Variants in AEBP2 observed in about 807,000 individuals in gnomAD.
AEBP2 encodes the protein AE binding protein 2.
Under a neutral mutation model 50.8 loss-of-function variants are expected in AEBP2, and 10 were observed. The ratio of observed to expected loss-of-function variants is 0.20; its 90% confidence interval spans 0.12 to 0.33. The LOEUF is 0.33. Ranked by LOEUF, AEBP2 falls within the 10% of genes least tolerant of loss-of-function variation. The pLI, the probability that AEBP2 is intolerant of heterozygous loss-of-function variation, is 1.00. For synonymous variants in AEBP2, 296 were observed against 261.3 expected (o/e 1.13, Z -1.28); for missense variants, 570 against 688.0 (o/e 0.83, Z 1.92).
At position 19,518,164 on chromosome 12, in the gene AEBP2, T is replaced by C. The variant is rs1949346761; in HGVS notation, c.*47T>C. On this transcript the variant is annotated 3_prime_UTR_variant, in exon 8 of 8. Coordinates refer to ENST00000266508, the MANE Select transcript of AEBP2 (RefSeq NM_153207.5). ...AGCAAACAAGCGGGGACACCTGCAG[T>C]CTTAGTCACTGACAATGGGTTTAGG... The C allele has an allele frequency of 1.9e-6, 3 of 1,547,432 alleles. No individual in the cohort carries two copies. The highest frequency in any genetic ancestry group is 2.6e-6 in the Non-Finnish European group (3 of 1,148,934).
At chr12:19,443,973 T>C (rs1948011942) in intron 1 of AEBP2, among the ~76,000 whole-genome samples, 1 of 152,062 alleles carries the variant, frequency 6.6e-6, no homozygotes. Flanking sequence ...TTACTTTGGT[T>C]ATAAAGATAG....
At chr12:19,510,561 A>G (rs1400368576) in intron 5 of AEBP2, among the ~76,000 whole-genome samples, 2 of 152,172 alleles carry the variant, frequency 1.3e-5, no homozygotes, top group African/African-American at 4.8e-5. Flanking sequence ...CAAAAAATGA[A>G]GCGTACGTAA....
chr12:19,514,585 C>T, intron 6 of AEBP2, 86 bp from the exon 7 acceptor site: 1 of 1,026,720 alleles, frequency 9.7e-7, no homozygotes, highest in African/African-American at 1.6e-5. Context: ...ATCAAAGTAG[C>T]AGAAAATGCC....
chr12:19,455,370 T>C (rs1320953774), intron 1 of AEBP2, among the ~76,000 whole-genome samples: 2 of 152,186 alleles, frequency 1.3e-5, no homozygotes, highest in Non-Finnish European at 2.9e-5. Context: ...AGTGGTAGTT[T>C]CTTAAAGATT....
At chr12:19,517,177 C>A (rs1051889794) in intron 7 of AEBP2, among the ~76,000 whole-genome samples, 1 of 152,180 alleles carries the variant, frequency 6.6e-6, no homozygotes, top group Non-Finnish European at 1.5e-5. Flanking sequence ...TCTTAAATTT[C>A]TGGATTTTGA....
At chr12:19,515,671 T>TG (rs1231929193) in intron 7 of AEBP2, among the ~76,000 whole-genome samples, 1 of 152,230 alleles carries the variant, frequency 6.6e-6, no homozygotes, top group Non-Finnish European at 1.5e-5. Context: ...TTGAAGGGTA[T>TG]ATTCATTCCA....
At chr12:19,406,769 C>T (rs948605745) in intron 1 of AEBP2, among the ~76,000 whole-genome samples, 2 of 151,920 alleles carry the variant, frequency 1.3e-5, no homozygotes, top group African/African-American at 4.8e-5. Context: ...AAAAAGTGAT[C>T]ACCAAATTCA....
intron 3 of AEBP2, among the ~76,000 whole-genome samples, chr12:19,480,777 T>G (rs1305668228): frequency 6.6e-6 from 1 of 152,168 alleles, no homozygotes; most frequent in African/African-American, 2.4e-5. Context: ...GTGATAATAT[T>G]TTTGGGAGGA....
intron 1 of AEBP2, among the ~76,000 whole-genome samples, chr12:19,416,320 A>G (rs373624368): frequency 6.0e-4 from 91 of 152,344 alleles, no homozygotes; most frequent in Admixed American, 3.1e-3. Context: ...TTGGTATTCA[A>G]TATTGCTCAT....
chr12:19,490,497 C>T (rs1008131275), intron 3 of AEBP2, among the ~76,000 whole-genome samples: 4 of 151,804 alleles, frequency 2.6e-5, no homozygotes, highest in Non-Finnish European at 5.9e-5. Context: ...TGTGCCTCAG[C>T]TTCCTGAGTG....
intron 1 of AEBP2, chr12:19,456,342 T>C: frequency 2.1e-6 from 3 of 1,411,744 alleles, no homozygotes; most frequent in Non-Finnish European, 3.0e-6. Flanking sequence ...TGCAACTGTC[T>C]GTCTCATATC....
At chr12:19,471,223 A>G (rs1565719247) in intron 2 of AEBP2, among the ~76,000 whole-genome samples, 3 of 147,920 alleles carry the variant, frequency 2.0e-5, no homozygotes, top group South Asian at 4.4e-4. Flanking sequence ...AGTGCAAGCA[A>G]TTCTCCCACC....
chr12:19,486,609 G>A (rs983534360), intron 3 of AEBP2, among the ~76,000 whole-genome samples: 28 of 151,784 alleles, frequency 1.8e-4, no homozygotes, highest in African/African-American at 5.6e-4. Context: ...TTTCGAACTC[G>A]CAGGCCCAAG....
In AEBP2 at chr12:19,481,092, C is replaced by CTTTTTTTTTTTTTTT. The variant is rs71067027; in HGVS notation, c.987+7749_987+7763dup. On this transcript the variant is annotated intron_variant, in intron 3 of 7. Transcript: ENST00000266508. ...TGTTATTGAAACTTTGCAGTGCATC[C>CTTTTTTTTTTTTTTT]TTTTTTTTTTTTTTTTTTTTTTTTT... Among the ~76,000 whole-genome samples the CTTTTTTTTTTTTTTT allele has an allele frequency of 3.0e-4, 22 of 74,054 alleles. 4 individuals carry two copies. Among genetic ancestry groups the CTTTTTTTTTTTTTTT allele is most frequent in the African/African-American group, 8.5e-4 (15 of 17,580 alleles). The allele number at this position is 74,054 out of a possible 152,430, so 48.6% of individuals were successfully genotyped here.
chr12:19,480,142 G>T (rs746864800), intron 3 of AEBP2, among the ~76,000 whole-genome samples: 1 of 151,984 alleles, frequency 6.6e-6, no homozygotes, highest in Non-Finnish European at 1.5e-5. Flanking sequence ...TCACTCTGTT[G>T]CCCAGGCTGG....
At position 19,504,572 on chromosome 12, in the gene AEBP2, A is replaced by G. The variant is rs1219781289; in HGVS notation, c.1299+4351A>G. Among the ~76,000 whole-genome samples, 3 of 152,172 alleles carry G rather than the reference A, an allele frequency of 2.0e-5. No homozygotes were observed. In the East Asian group the frequency reaches 5.8e-4, roughly 29 times the overall value. The stretch of plus-strand genomic sequence containing the variant: ...TGTGTACTTTTATTACATAGGGTTT[A>G]TGGACCTTTACCCACACCCTATTCA... On this transcript the variant is annotated intron_variant, in intron 5 of 7. Transcript: ENST00000266508.
rs538325262 is a variant in AEBP2 at position 19,429,024 on chromosome 12, C to T, written c.-17+24808C>T. Among the ~76,000 whole-genome samples, 12 of 152,206 alleles carry T rather than the reference C, an allele frequency of 7.9e-5. No homozygotes were observed. In the East Asian group the frequency reaches 1.9e-3, roughly 25 times the overall value. On this transcript the variant is annotated intron_variant, in intron 1 of 3. Coordinates refer to the AEBP2 transcript ENST00000538425. ...TAAGTTTTAGGATACATGTGCACAACGTGCAGTTTTGTTACATGTGTATAC... is the reference window on the plus strand; with the variant it reads ...TAAGTTTTAGGATACATGTGCACAATGTGCAGTTTTGTTACATGTGTATAC...
At chr12:19,512,587 G>A in intron 6 of AEBP2, 122 bp downstream of exon 6, 4 of 703,582 alleles carry the variant, frequency 5.7e-6, no homozygotes, top group Non-Finnish European at 9.1e-6. Context: ...AACGTTTTGA[G>A]GTTGTCAGGA....
In AEBP2 at chr12:19,462,582, A is replaced by G. The variant is rs774151892; in HGVS notation, c.744A>G (p.Gly248=). The change falls in exon 2 of 8, where the codon GGA becomes GGG. Residue 248 remains glycine (G), a synonymous_variant. Transcript: ENST00000266508. ...GTTCAACTCCAGCAATGATGAATGGACAAGGAAGCACTACTTCTTCAAGCA... is the reference window on the plus strand; with the variant it reads ...GTTCAACTCCAGCAATGATGAATGGGCAAGGAAGCACTACTTCTTCAAGCA... ...SGRSTPAMMN[G]QGSTTSSSKN... is the part of the protein sequence containing the mutation. 1 of 1,613,846 alleles carries G rather than the reference A, an allele frequency of 6.2e-7. No individual in the cohort carries two copies.
Sources: allele counts gnomAD v4.1 joint callset (sites outside exome capture counted in the v4.1 genomes callset), GRCh38; gene constraint gnomAD v4.1.1; transcripts MANE v1.5; gene names NCBI Gene and HGNC (gene_info 2026-07-23, HGNC 2026-07-21).